The following MBOAT4 variants were observed in gnomAD, a reference collection of about 807,000 sequenced individuals.
MBOAT4 encodes the protein membrane-bound ghrelin O-acyltransferase MBOAT4.
A neutral mutation model predicts 13.2 loss-of-function variants in MBOAT4; 11 were observed. That is an observed-to-expected ratio of 0.84 (90% CI 0.53 to 1.38). The LOEUF is 1.38. Among genes scored for constraint, MBOAT4 ranks in the 40% most tolerant of loss-of-function variants. MBOAT4 has a pLI of 0.00. For synonymous variants in MBOAT4, 202 were observed against 210.3 expected (o/e 0.96, Z 0.34); for missense variants, 481 against 527.2 (o/e 0.91, Z 0.86).
Position 30,132,034 on chromosome 8 carries a change from C to CAG in MBOAT4, c.1215_1216dup (p.Trp406SerfsTer40). On this transcript the variant is annotated frameshift_variant, in exon 3 of 3. Transcript: ENST00000320542. LOFTEE classifies it low-confidence loss of function (END_TRUNC). ...ACTGTTGTACGAATTACAGAGCAAC[C>CAG]AGAGAGAGGAGAGACTCCTGACCTC... The CAG allele has an allele frequency of 1.3e-6, 2 of 1,551,804 alleles. No individual in the cohort carries two copies. Among genetic ancestry groups the CAG allele is most frequent in the Non-Finnish European group, 1.7e-6 (2 of 1,147,042 alleles).
At chr8:30,133,077 A>G (rs1172084679) in intron 2 of MBOAT4, among the ~76,000 whole-genome samples, 171 bp from the exon 3 acceptor site, 4 of 152,062 alleles carry the variant, frequency 2.6e-5, no homozygotes, top group African/African-American at 7.2e-5. Flanking sequence ...AAATAAATCA[A>G]TCTTATTTAT....
chr8:30,140,094 G>A (rs939308128), intron 1 of MBOAT4, among the ~76,000 whole-genome samples: 4 of 152,168 alleles, frequency 2.6e-5, no homozygotes, highest in African/African-American at 9.7e-5. Flanking sequence ...TTGGAGTGCA[G>A]AGGTGCGATG....
intron 2 of MBOAT4, among the ~76,000 whole-genome samples, chr8:30,137,066 G>A (rs1377000009): frequency 2.0e-5 from 3 of 151,992 alleles, no homozygotes; most frequent in South Asian, 4.1e-4. Context: ...TGAACCAACC[G>A]CAGGCTAGAA....
chr8:30,132,516 CCA>C lies in MBOAT4; in HGVS notation c.733_734del (p.Trp245AspfsTer29). 6.4e-7 allele frequency: 1 copy of C among 1,551,730 alleles called. No homozygotes were observed. Among genetic ancestry groups the C allele is most frequent in the Non-Finnish European group, 8.7e-7 (1 of 1,147,004 alleles). On this transcript the variant is annotated frameshift_variant, in exon 3 of 3. Transcript: ENST00000320542. LOFTEE classifies it low-confidence loss of function (END_TRUNC). ...CQQFECIYVV[W>X]TTAGLFKLTY... ...TGAGCTTGAAAAGCCCAGCTGTGGT[CCA>C]CACGACATAGATGCACTCGAATTGC...
chr8:30,135,951 C>T (rs1163143758), intron 2 of MBOAT4, among the ~76,000 whole-genome samples: 1 of 150,042 alleles, frequency 6.7e-6, no homozygotes, highest in Non-Finnish European at 1.5e-5. Context: ...TACAATGACA[C>T]ACTCTACAGT....
intron 2 of MBOAT4, among the ~76,000 whole-genome samples, chr8:30,135,922 A>AC (rs951357125): frequency 2.0e-5 from 3 of 151,256 alleles, no homozygotes; most frequent in African/African-American, 7.3e-5. Context: ...TGAAAAAAAA[A>AC]AAAAAAAGGA....
intron 1 of MBOAT4, among the ~76,000 whole-genome samples, chr8:30,139,410 G>A (rs1803223829): frequency 6.6e-6 from 1 of 152,096 alleles, no homozygotes; most frequent in Non-Finnish European, 1.5e-5. Flanking sequence ...TACGTCATCT[G>A]ACTGAAAAGT....
intron 2 of MBOAT4, 28 bp downstream of exon 2, chr8:30,138,504 G>T: frequency 1.3e-6 from 2 of 1,524,536 alleles, no homozygotes; most frequent in South Asian, 1.2e-5. Flanking sequence ...TAGGTGGGCT[G>T]AGCATGACCA....
At chr8:30,138,144 C>T (rs1379403441) in intron 2 of MBOAT4, 1 of 169,954 alleles carries the variant, frequency 5.9e-6, no homozygotes, top group African/African-American at 2.4e-5. Flanking sequence ...CTTAAAAACT[C>T]AGATCCCCAA....
chr8:30,140,122 C>T (rs1255867929), intron 1 of MBOAT4, among the ~76,000 whole-genome samples: 1 of 152,102 alleles, frequency 6.6e-6, no homozygotes, highest in Non-Finnish European at 1.5e-5. Context: ...CTGCAACCTC[C>T]GTCTCCTGGG....
In MBOAT4 at chr8:30,132,675, C is replaced by T; in HGVS notation, c.576G>A (p.Gly192=). The change falls in exon 3 of 3, where the codon GGG becomes GGA. Residue 192 remains glycine, a synonymous_variant. Transcript: ENST00000320542. ...AGTGTCTGGGATGCAAAGCACTGGA[C>T]CCTTGAACACGAGCCTGAAATCGCT... ...SFQRFQARVQ[G]SSALHPRHSF... is the part of the protein sequence containing the mutation. 1.9e-6 allele frequency: 3 copies of T among 1,551,736 alleles called. No homozygotes were observed. The highest frequency in any genetic ancestry group is 2.6e-6 in the Non-Finnish European group (3 of 1,147,008).
At position 30,137,051 on chromosome 8, in the gene MBOAT4, G is replaced by GT. The variant is rs1803163355; in HGVS notation, c.344+1480_344+1481insA. On this transcript the variant is annotated intron_variant, in intron 2 of 2. Coordinates refer to ENST00000320542, the MANE Select transcript of MBOAT4 (RefSeq NM_001100916.2). ...TAGGTATAGTCAGGAGGATGGCAAA[G>GT]CAAGTGAACCAACCGCAGGCTAGAA... Among the ~76,000 whole-genome samples the GT allele has an allele frequency of 5.9e-5, 9 of 152,180 alleles. No individual in the cohort carries two copies. In the South Asian group the frequency reaches 1.9e-3, roughly 32 times the overall value.
intron 2 of MBOAT4, among the ~76,000 whole-genome samples, chr8:30,135,913 G>GGAA (rs528437068): frequency 3.1e-5 from 4 of 128,896 alleles, no homozygotes; most frequent in Non-Finnish European, 6.3e-5. Flanking sequence ...GACCTTGTCT[G>GGAA]AAAAAAAAAA....
rs147617413 is a variant in MBOAT4, at chr8:30,144,491, A to G, written c.111T>C (p.Thr37=). 1.9e-6 allele frequency: 3 copies of G among 1,548,012 alleles called. No homozygotes were observed. In the Admixed American group the frequency reaches 5.9e-5, roughly 30 times the overall value. ...NYLCIMDSFS[T]RARYLFLLTG... Reference sequence around the variant, plus strand: ...ATAGCCATCCAGCCTACCTGGCACGAGTGGAGAATGAATCCATGATGCAGA... The same window carrying G: ...ATAGCCATCCAGCCTACCTGGCACGGGTGGAGAATGAATCCATGATGCAGA... Residue 37 remains threonine, a synonymous_variant, in exon 1 of 3, where the codon ACT becomes ACC. Coordinates refer to ENST00000320542, the MANE Select transcript of MBOAT4 (RefSeq NM_001100916.2).
chr8:30,137,283 AC>A (rs1803168801), intron 2 of MBOAT4: 1 of 1,551,432 alleles, frequency 6.4e-7, no homozygotes, highest in Non-Finnish European at 8.7e-7. Context: ...TGGGGCGCCT[AC>A]CCTTCTTCAG....
chr8:30,132,773 A>C lies in MBOAT4; in HGVS notation c.478T>G (p.Cys160Gly). The part of the protein sequence containing the change: ...RSRSSLSEHV[C>G]KALPYFSYLL... ...TAGCTGAAATAGGGCAGTGCCTTAC[A>C]CACATGCTCAGACAAAGAGCTCCTG... is the stretch of plus-strand genomic sequence containing the variant. Residue 160 changes from cysteine to glycine, a missense_variant, in exon 3 of 3, where the codon TGT (cysteine) becomes GGT (glycine). Coordinates refer to ENST00000320542, the MANE Select transcript of MBOAT4 (RefSeq NM_001100916.2). 1 of 1,551,750 alleles carries C rather than the reference A, an allele frequency of 6.4e-7. No individual in the cohort carries two copies. The highest frequency in any genetic ancestry group is 2.4e-5 in the East Asian group (1 of 40,922).
At chr8:30,140,054 T>A (rs1166325919) in intron 1 of MBOAT4, among the ~76,000 whole-genome samples, 1 of 152,192 alleles carries the variant, frequency 6.6e-6, no homozygotes, top group Admixed American at 6.5e-5. Context: ...AATCTTTTTT[T>A]TTAGACAGAG....
At chr8:30,134,767 T>C (rs949054383) in intron 2 of MBOAT4, among the ~76,000 whole-genome samples, 1 of 152,160 alleles carries the variant, frequency 6.6e-6, no homozygotes, top group Non-Finnish European at 1.5e-5. Flanking sequence ...AGGCTGGTCT[T>C]GAACTCCTCA....
At chr8:30,137,407 G>T (rs77053651) in intron 2 of MBOAT4, 1 of 1,551,636 alleles carries the variant, frequency 6.4e-7, no homozygotes, top group South Asian at 1.2e-5. Flanking sequence ...CACTCAACCC[G>T]TGCTGAGGCT....
Sources: gnomAD v4.1 joint callset for allele counts (sites outside exome capture counted in the v4.1 genomes callset) on GRCh38, gnomAD v4.1.1 for gene constraint, MANE v1.5 for transcripts, NCBI Gene and HGNC (gene_info 2026-07-23, HGNC 2026-07-21) for gene names.